ATP13A4: variants seen among roughly 807,000 people sequenced by gnomAD.
ATP13A4 encodes probable cation-transporting ATPase 13A4.
In ATP13A4, 114 loss-of-function variants were observed where a neutral mutation model predicts 142.5. The ratio of observed to expected loss-of-function variants is 0.80; its 90% CI spans 0.69 to 0.93. The LOEUF (loss-of-function observed/expected upper bound fraction) is 0.93, where lower values mean the gene tolerates loss of function less well. Ranked by LOEUF, ATP13A4 falls within the 40% of genes least tolerant of loss-of-function variation. ATP13A4 has a pLI of 0.00. For missense variants in ATP13A4, 1,392 were observed against 1,454.0 expected, an observed-to-expected ratio of 0.96 and a Z score of 0.69; for synonymous variants, 488 against 514.8, an observed-to-expected ratio of 0.95 and a Z score of 0.70.
rs1354896726 is a variant in ATP13A4 at position 193,514,781 on chromosome 3, A to G, written c.151T>C (p.Tyr51His). The G allele has an allele frequency of 6.2e-7, 1 of 1,614,244 alleles. No individual in the cohort carries two copies. ...CATACGTGCCATGCTGGTCTCCAGT[A>G]AAACACCAAGGGGAGGATTCCAAAT... ...FSFGILPLVFYWRPAWHVWAH... is the reference protein window; with the variant it reads ...FSFGILPLVFHWRPAWHVWAH... Residue 51 changes from tyrosine (Y) to histidine (H), a missense_variant, in exon 2 of 30, where the codon TAC (tyrosine) becomes CAC (histidine). Physicochemically the swap from Tyr to His is moderately conservative, Grantham distance 83. Transcript: ENST00000342695.
intron 2 of ATP13A4, among the ~76,000 whole-genome samples, chr3:193,513,955 C>T (rs1721270107): frequency 6.6e-6 from 1 of 152,196 alleles, no homozygotes; most frequent in South Asian, 2.1e-4. Flanking sequence ...TTGACTACTT[C>T]ACATTTCCTG....
At chr3:193,416,149 G>A (rs931191434) in intron 25 of ATP13A4, among the ~76,000 whole-genome samples, 9 of 152,218 alleles carry the variant, frequency 5.9e-5, no homozygotes, top group Admixed American at 2.0e-4. Context: ...GGACATATGC[G>A]ATCTCACATG....
intron 2 of ATP13A4, among the ~76,000 whole-genome samples, chr3:193,560,704 C>T (rs1723995677): frequency 6.6e-6 from 1 of 152,196 alleles, no homozygotes; most frequent in Non-Finnish European, 1.5e-5. Context: ...GGGCTTAGGA[C>T]ATAGCATTGG....
chr3:193,465,997 A>C (rs1415704036), intron 11 of ATP13A4, 28 bp downstream of exon 11: 2 of 1,611,282 alleles, frequency 1.2e-6, no homozygotes, highest in Admixed American at 3.3e-5. Flanking sequence ...GTGTGTGTGC[A>C]TTTAATAAAA....
At chr3:193,437,094 A>G (rs1716328580) in intron 23 of ATP13A4, among the ~76,000 whole-genome samples, 1 of 117,796 alleles carries the variant, frequency 8.5e-6, no homozygotes, top group Admixed American at 9.7e-5. Context: ...ACAGAGTGAG[A>G]CTCCGTCTCA....
intron 2 of ATP13A4, among the ~76,000 whole-genome samples, chr3:193,568,062 C>A (rs1163808472): frequency 6.6e-6 from 1 of 152,154 alleles, no homozygotes; most frequent in East Asian, 1.9e-4. Context: ...CGGGTTCAAG[C>A]GATTCTCCTG....
intron 26 of ATP13A4, among the ~76,000 whole-genome samples, chr3:193,413,369 G>C (rs1336712427): frequency 6.6e-6 from 1 of 152,074 alleles, no homozygotes; most frequent in Non-Finnish European, 1.5e-5. Context: ...ATGTGTGTTT[G>C]AACAATATGA....
intron 28 of ATP13A4, among the ~76,000 whole-genome samples, chr3:193,407,800 G>A (rs1357377609): frequency 4.6e-5 from 7 of 152,184 alleles, no homozygotes; most frequent in Non-Finnish European, 8.8e-5. Context: ...TTTATCCCCA[G>A]GAGGCCTGAT....
At chr3:193,441,842 C>T (rs1716662739) in intron 19 of ATP13A4, among the ~76,000 whole-genome samples, 4 of 152,156 alleles carry the variant, frequency 2.6e-5, no homozygotes, top group Admixed American at 2.0e-4. Context: ...GAGAAGAGCA[C>T]ATTTCACACA....
intron 1 of ATP13A4, among the ~76,000 whole-genome samples, chr3:193,534,962 AT>A (rs1178603343): frequency 5.3e-5 from 8 of 151,370 alleles, no homozygotes; most frequent in African/African-American, 1.9e-4. Flanking sequence ...CAAAAAAAAA[AT>A]GTTAAAAGCA....
rs1468313050 is a variant in ATP13A4 at position 193,573,588 on chromosome 3, A to G, written n.291+8119T>C. 5.3e-5 allele frequency among the ~76,000 whole-genome samples: 8 copies of G among 152,016 alleles called. No homozygotes were observed. The East Asian group carries it at 9.7e-4, about 18-fold the overall frequency. The stretch of plus-strand genomic sequence containing the variant: ...CAGGTTTCCCCAGGAATCACAGTAT[A>G]GTTTTTCTCCACTCGAGGTTCCCAT... On this transcript the variant is annotated intron_variant and non_coding_transcript_variant, in intron 2 of 3. Coordinates refer to the ATP13A4 transcript ENST00000489140.
At chr3:193,414,861 A>T (rs1429075403) in intron 25 of ATP13A4, 111 bp from the exon 26 acceptor site, 4 of 1,004,712 alleles carry the variant, frequency 4.0e-6, no homozygotes, top group Non-Finnish European at 6.2e-6. Flanking sequence ...GACAAACTGG[A>T]GTACATCACA....
intron 17 of ATP13A4, among the ~76,000 whole-genome samples, chr3:193,450,227 C>A (rs1668204386): frequency 6.6e-6 from 1 of 152,142 alleles, no homozygotes; most frequent in Non-Finnish European, 1.5e-5. Flanking sequence ...TGGGCTTCTG[C>A]TTTGTCACAC....
intron 25 of ATP13A4, among the ~76,000 whole-genome samples, chr3:193,424,889 C>G (rs1442407648): frequency 6.7e-6 from 1 of 148,880 alleles, no homozygotes; most frequent in Admixed American, 7.0e-5. Context: ...GAAGAGACAA[C>G]CTACATAATG....
chr3:193,414,694 T>A lies in ATP13A4; in HGVS notation c.2899A>T (p.Ile967Phe). 1 of 1,614,080 alleles carries A rather than the reference T, an allele frequency of 6.2e-7. No homozygotes were observed. Among genetic ancestry groups the A allele is most frequent in the Non-Finnish European group, 8.5e-7 (1 of 1,180,012 alleles). ...LVPFRPAGRL[I>F]SPPLLLSVIF... ...ACAGAGAGTAGCAGAGGTGGAGAGATCAGCCGTCCTGCAGGTCTGAAAGGC... is the reference window on the plus strand; with the variant it reads ...ACAGAGAGTAGCAGAGGTGGAGAGAACAGCCGTCCTGCAGGTCTGAAAGGC... The change falls in exon 26 of 30, where the codon ATC (isoleucine) becomes TTC (phenylalanine). Residue 967 changes from isoleucine to phenylalanine, a missense_variant. Physicochemically the swap from Ile to Phe is conservative, Grantham distance 21. Coordinates refer to ENST00000342695, the MANE Select transcript of ATP13A4 (RefSeq NM_032279.4).
Position 193,554,710 on chromosome 3 carries a change from G to A in ATP13A4, c.60+30C>T, listed in dbSNP as rs754728578. 5 of 1,609,180 alleles carry A rather than the reference G, an allele frequency of 3.1e-6. No homozygotes were observed. The Admixed American group carries it at 8.4e-5, about 27-fold the overall frequency. ...TGTCTCGCAGGCTGAGAAGTGGGAT[G>A]GGAAGAAGGGAATGTGGCTAGAATC... On this transcript the variant is annotated intron_variant, in intron 1 of 29. Coordinates refer to ENST00000342695, the MANE Select transcript of ATP13A4 (RefSeq NM_032279.4).
Position 193,465,194 on chromosome 3 carries a change from CT to C in ATP13A4, c.1273-67del, listed in dbSNP as rs374314805. 7,520 of 1,257,716 alleles carry C rather than the reference CT, an allele frequency of 6.0e-3. 1 individual carries two copies. Among genetic ancestry groups the C allele is most frequent in the Admixed American group, 9.0e-3 (374 of 41,628 alleles). The allele number at this position is 1,257,716 out of a possible 1,614,324, so 77.9% of individuals were successfully genotyped here. A position where few individuals can be genotyped will look rare whatever the true frequency, so the allele number is the denominator to read the frequency against. The stretch of plus-strand genomic sequence containing the variant: ...TGATGAACAGCATATGACTCTTTGC[CT>C]TTTTTTTTTGAGGCGGAGTTTTGCT... On this transcript the variant is annotated intron_variant, in intron 11 of 29. Coordinates refer to ENST00000342695, the MANE Select transcript of ATP13A4 (RefSeq NM_032279.4).
Position 193,462,775 on chromosome 3 carries a change from A to T in ATP13A4, c.1510T>A (p.Cys504Ser). 1 of 1,613,886 alleles carries T rather than the reference A, an allele frequency of 6.2e-7. No homozygotes were observed. The highest frequency in any genetic ancestry group is 8.5e-7 in the Non-Finnish European group (1 of 1,179,770). Residue 504 changes from cysteine (C) to serine (S), a missense_variant, in exon 13 of 30, where the codon TGT becomes AGT. Transcript: ENST00000342695. ...CAAGGTACTCACCCATTCCTATCAC[A>T]GGACACGACTCCCCAGAGGTCCAAG... Reference protein sequence around the residue: ...DGLDLWGVVSCDRNGFQEVHS... With the variant: ...DGLDLWGVVSSDRNGFQEVHS...
chr3:193,559,251 A>C (rs1723964857), upstream of ATP13A4, among the ~76,000 whole-genome samples: 1 of 152,166 alleles, frequency 6.6e-6, no homozygotes, highest in Admixed American at 6.5e-5. Flanking sequence ...GTAGGAACTG[A>C]GTCATAAAGA....
Sources: allele counts gnomAD v4.1 joint callset (sites outside exome capture counted in the v4.1 genomes callset), GRCh38; gene constraint gnomAD v4.1.1; transcripts MANE v1.5; gene names NCBI Gene and HGNC (gene_info 2026-07-23, HGNC 2026-07-21).